The following PTPRD variants were observed in gnomAD, a reference collection of about 807,000 sequenced individuals.
PTPRD encodes protein tyrosine phosphatase receptor type D, also known as receptor-type tyrosine-protein phosphatase delta.
In PTPRD, 34 loss-of-function variants were observed where a neutral mutation model predicts 214.5. The ratio of observed to expected loss-of-function variants is 0.16; its 90% CI spans 0.12 to 0.21. PTPRD has a LOEUF of 0.21. Ranked by LOEUF, PTPRD falls within the 10% of genes least tolerant of loss-of-function variation. PTPRD has a pLI of 1.00. For synonymous variants in PTPRD, 1,128 were observed against 845.7 expected, an observed-to-expected ratio of 1.33 and a Z score of -5.79; for missense variants, 2,545 against 2,398.7, an observed-to-expected ratio of 1.06 and a Z score of -1.27.
intron 3 of PTPRD, among the ~76,000 whole-genome samples, chr9:10,269,549 C>T (rs1564908966): frequency 6.6e-6 from 1 of 152,108 alleles, no homozygotes; most frequent in Non-Finnish European, 1.5e-5. Context: ...TCTACTGTTG[C>T]TTACACTTTT....
chr9:10,253,473 C>G (rs1006201268), intron 3 of PTPRD, among the ~76,000 whole-genome samples: 8 of 152,338 alleles, frequency 5.3e-5, no homozygotes, highest in African/African-American at 1.9e-4. Flanking sequence ...CTCAGCTGCT[C>G]AGGAATATGT....
At chr9:8,368,765 G>C (rs557413330) in intron 39 of PTPRD, among the ~76,000 whole-genome samples, 2 of 146,674 alleles carry the variant, frequency 1.4e-5, no homozygotes, top group Admixed American at 7.1e-5. Flanking sequence ...GCCATCAACA[G>C]ACTGAAGACC....
Position 9,240,721 on chromosome 9 carries a change from G to A in PTPRD, c.-202-57358C>T, listed in dbSNP as rs564168128. On this transcript the variant is annotated intron_variant, in intron 9 of 45. Coordinates refer to ENST00000381196, the MANE Select transcript of PTPRD (RefSeq NM_002839.4). ...ATATTTACAGGTATGGTAGTAATAC[G>A]AATGTTTCAAAATTGTATAAAATTC... Among the ~76,000 whole-genome samples the A allele has an allele frequency of 6.6e-5, 10 of 152,188 alleles. No homozygotes were observed. In the East Asian group the frequency reaches 7.7e-4, roughly 12 times the overall value.
At chr9:10,100,340 C>A (rs1373098897) in intron 3 of PTPRD, among the ~76,000 whole-genome samples, 1 of 151,578 alleles carries the variant, frequency 6.6e-6, no homozygotes, top group Admixed American at 6.6e-5. Flanking sequence ...TTTAAATATC[C>A]ATCCCAAGTT....
At chr9:10,419,959 AC>A (rs1331272896) in intron 2 of PTPRD, among the ~76,000 whole-genome samples, 1 of 151,818 alleles carries the variant, frequency 6.6e-6, no homozygotes, top group Non-Finnish European at 1.5e-5. Context: ...GCTCAACTTT[AC>A]TAGGCATAGA....
chr9:10,451,869 C>T (rs1047704877), intron 2 of PTPRD, among the ~76,000 whole-genome samples: 7 of 151,990 alleles, frequency 4.6e-5, no homozygotes, highest in Non-Finnish European at 1.0e-4. Context: ...TCGTATGTTA[C>T]ATACCACAGT....
At chr9:10,252,535 T>C (rs1352923334) in intron 3 of PTPRD, among the ~76,000 whole-genome samples, 2 of 152,010 alleles carry the variant, frequency 1.3e-5, no homozygotes, top group Non-Finnish European at 2.9e-5. Flanking sequence ...CCCAACCCAG[T>C]CACTCCCAGA....
intron 10 of PTPRD, among the ~76,000 whole-genome samples, chr9:9,063,005 A>G (rs1032150409): frequency 1.3e-5 from 2 of 152,170 alleles, no homozygotes; most frequent in Non-Finnish European, 2.9e-5. Context: ...GGGGCTAAAC[A>G]TGGTCATTCT....
At chr9:8,592,443 G>C (rs1206126187) in intron 14 of PTPRD, among the ~76,000 whole-genome samples, 1 of 152,136 alleles carries the variant, frequency 6.6e-6, no homozygotes, top group Non-Finnish European at 1.5e-5. Context: ...GCTTGCCACT[G>C]ACATACAAGG....
chr9:10,237,399 G>T (rs1186898204), intron 3 of PTPRD, among the ~76,000 whole-genome samples: 1 of 151,770 alleles, frequency 6.6e-6, no homozygotes, highest in Non-Finnish European at 1.5e-5. Flanking sequence ...AAGTCTGGTA[G>T]TTCTTCATTA....
At chr9:10,571,983 T>A (rs115167457) in intron 2 of PTPRD, among the ~76,000 whole-genome samples, 1 of 152,228 alleles carries the variant, frequency 6.6e-6, no homozygotes, top group South Asian at 2.1e-4. Flanking sequence ...TGCCCAGGGG[T>A]TGGGGACACC....
At chr9:10,459,815 G>C (rs190574091) in intron 2 of PTPRD, among the ~76,000 whole-genome samples, 2 of 151,696 alleles carry the variant, frequency 1.3e-5, no homozygotes, top group South Asian at 2.1e-4. Context: ...TTGTCAGATG[G>C]ATAGATTGCA....
intron 2 of PTPRD, among the ~76,000 whole-genome samples, chr9:10,465,751 T>C (rs2098989233): frequency 6.6e-6 from 1 of 152,196 alleles, no homozygotes; most frequent in Non-Finnish European, 1.5e-5. Flanking sequence ...CCTAGGTGTG[T>C]AGGCTATACC....
rs539996556 is a variant in PTPRD, at chr9:8,723,622, G to C, written c.64+10158C>G. Reference sequence around the variant, plus strand: ...AATGTTACTGAAATTTGTTTTAAAAGATAAGTATAGATATTAGAGGAGTTT... The same window carrying C: ...AATGTTACTGAAATTTGTTTTAAAACATAAGTATAGATATTAGAGGAGTTT... On this transcript the variant is annotated intron_variant, in intron 12 of 45. Transcript: ENST00000381196. Among the ~76,000 whole-genome samples, 5 of 152,260 alleles carry C rather than the reference G, an allele frequency of 3.3e-5. No individual in the cohort carries two copies. The South Asian group carries it at 1.0e-3, about 32-fold the overall frequency.
chr9:8,805,356 C>A (rs2154520398), intron 11 of PTPRD, among the ~76,000 whole-genome samples: 1 of 152,278 alleles, frequency 6.6e-6, no homozygotes, highest in East Asian at 1.9e-4. Flanking sequence ...CTAAATTCTA[C>A]ATATCCTTGA....
chr9:10,086,280 A>T (rs1489281473), intron 3 of PTPRD, among the ~76,000 whole-genome samples: 1 of 151,790 alleles, frequency 6.6e-6, no homozygotes, highest in East Asian at 1.9e-4. Flanking sequence ...TATACGACTG[A>T]TCCCCCATCA....
intron 3 of PTPRD, among the ~76,000 whole-genome samples, chr9:10,043,176 T>C (rs1483444128): frequency 6.6e-6 from 1 of 151,950 alleles, no homozygotes; most frequent in Non-Finnish European, 1.5e-5. Context: ...GAATTAAAAA[T>C]ACAAATGTGA....
chr9:8,670,836 C>T (rs1406844092), intron 12 of PTPRD, among the ~76,000 whole-genome samples: 1 of 152,096 alleles, frequency 6.6e-6, no homozygotes, highest in Non-Finnish European at 1.5e-5. Flanking sequence ...GAGAATGAGA[C>T]CCAGTAAAAG....
chr9:9,686,283 G>A (rs1232951552), intron 7 of PTPRD, among the ~76,000 whole-genome samples: 1 of 135,578 alleles, frequency 7.4e-6, no homozygotes, highest in African/African-American at 2.6e-5. Flanking sequence ...TATTTGAGAT[G>A]TATGTATGAA....
Sources: gnomAD v4.1 joint callset for allele counts (sites outside exome capture counted in the v4.1 genomes callset) on GRCh38, gnomAD v4.1.1 for gene constraint, MANE v1.5 for transcripts, NCBI Gene and HGNC (gene_info 2026-07-23, HGNC 2026-07-21) for gene names.